VGLL3: variants seen among roughly 807,000 people sequenced by gnomAD.
VGLL3 encodes the protein vestigial like family member 3, also known as transcription cofactor vestigial-like protein 3.
A neutral mutation model predicts 29.2 loss-of-function variants in VGLL3; 18 were observed. The ratio of observed to expected loss-of-function variants is 0.62; its 90% confidence interval spans 0.43 to 0.91. The LOEUF (loss-of-function observed/expected upper bound fraction) is 0.91, where lower values mean the gene tolerates loss of function less well. Ranked by LOEUF, VGLL3 falls within the 40% of genes least tolerant of loss-of-function variation. The pLI is 0.00. For missense variants in VGLL3, 440 were observed against 413.2 expected, an observed-to-expected ratio of 1.06 and a Z score of -0.56; for synonymous variants, 180 against 151.8, an observed-to-expected ratio of 1.19 and a Z score of -1.36.
intron 3 of VGLL3, among the ~76,000 whole-genome samples, chr3:86,950,370 A>G (rs576075136): frequency 6.6e-6 from 1 of 152,342 alleles, no homozygotes; most frequent in South Asian, 2.1e-4. Context: ...TGCTAAAATA[A>G]TACTTATTTT....
chr3:86,990,360 G>T, intron 1 of VGLL3: 4 of 985,390 alleles, frequency 4.1e-6, no homozygotes, highest in Non-Finnish European at 4.8e-6. Context: ...GAGCTAGGGT[G>T]CCTAGGAGGA....
chr3:86,984,827 T>C (rs910831804), intron 1 of VGLL3, among the ~76,000 whole-genome samples: 4 of 152,152 alleles, frequency 2.6e-5, no homozygotes, highest in Non-Finnish European at 1.5e-5. Flanking sequence ...CAATAATAAA[T>C]AAAGAGAGCC....
At chr3:86,954,625 T>C (rs1704680324) in intron 3 of VGLL3, among the ~76,000 whole-genome samples, 1 of 152,182 alleles carries the variant, frequency 6.6e-6, no homozygotes, top group Non-Finnish European at 1.5e-5. Context: ...TTAGGTAGTT[T>C]TTTTTATCAT....
intron 1 of VGLL3, chr3:86,990,386 C>G: frequency 2.0e-6 from 2 of 985,258 alleles, no homozygotes; most frequent in African/African-American, 1.7e-5. Flanking sequence ...CTCTGAGCTC[C>G]GGTGACCACA....
At chr3:86,971,079 T>A (rs1705091226) in intron 2 of VGLL3, among the ~76,000 whole-genome samples, 1 of 152,182 alleles carries the variant, frequency 6.6e-6, no homozygotes, top group Non-Finnish European at 1.5e-5. Flanking sequence ...CCTTGCTAGA[T>A]CTTTCCATTG....
chr3:86,947,342 A>G (rs767442387), intron 3 of VGLL3, among the ~76,000 whole-genome samples: 52 of 152,208 alleles, frequency 3.4e-4, no homozygotes, highest in Non-Finnish European at 6.9e-4. Context: ...ATTTGCTTGG[A>G]GTATGAGTGA....
In VGLL3 at chr3:86,990,815, C is replaced by T. The variant is rs931486069; in HGVS notation, c.-72G>A. ...GCGCTGGCGCGAGGGGCGCGGGCGCCGCCGCCGCCGCAGCTGCCGCCTCTG... is the reference window on the plus strand; with the variant it reads ...GCGCTGGCGCGAGGGGCGCGGGCGCTGCCGCCGCCGCAGCTGCCGCCTCTG... On this transcript the variant is annotated 5_prime_UTR_variant, in exon 1 of 4. Transcript: ENST00000398399. 14 of 1,205,894 alleles carry T rather than the reference C, an allele frequency of 1.2e-5. No homozygotes were observed. The Admixed American group carries it at 1.8e-4, about 16-fold the overall frequency. 74.7% of individuals were successfully genotyped at this position (1,205,894 alleles called of 1,614,324 possible). A position where few individuals can be genotyped will look rare whatever the true frequency, so the allele number is the denominator to read the frequency against.
At chr3:86,972,662 C>T (rs1220000042) in intron 2 of VGLL3, among the ~76,000 whole-genome samples, 1 of 152,084 alleles carries the variant, frequency 6.6e-6, no homozygotes, top group East Asian at 1.9e-4. Context: ...ACTGCATGGG[C>T]TATTTCTATG....
Position 86,944,209 on chromosome 3 carries a change from G to A in VGLL3, c.*2815C>T, listed in dbSNP as rs1704458771. ...ATGTATATTTTTGATCCACTCCCTG[G>A]GTGGCAGTGTACCCCAAACACCTAG... On this transcript the variant is annotated 3_prime_UTR_variant, in exon 4 of 4. Coordinates refer to ENST00000398399, the MANE Select transcript of VGLL3 (RefSeq NM_016206.4). The A allele has an allele frequency of 6.6e-6, 1 of 151,984 alleles. No individual in the cohort carries two copies. The highest frequency in any genetic ancestry group is 2.4e-5 in the African/African-American group (1 of 41,352). 9.4% of individuals were successfully genotyped at this position (151,984 alleles called of 1,614,324 possible). A position where few individuals can be genotyped will look rare whatever the true frequency, so the allele number is the denominator to read the frequency against.
At chr3:86,957,785 A>T (rs1440384293) in intron 3 of VGLL3, among the ~76,000 whole-genome samples, 1 of 152,180 alleles carries the variant, frequency 6.6e-6, no homozygotes, top group Non-Finnish European at 1.5e-5. Flanking sequence ...AATAAAATTA[A>T]TATATCTCTT....
intron 3 of VGLL3, among the ~76,000 whole-genome samples, chr3:86,965,619 C>T (rs977646850): frequency 3.3e-5 from 5 of 152,318 alleles, no homozygotes; most frequent in Non-Finnish European, 2.9e-5. Context: ...CATTTATTCT[C>T]TTGTTGCCGG....
intron 1 of VGLL3, among the ~76,000 whole-genome samples, chr3:86,982,239 G>A (rs781666968): frequency 1.3e-5 from 2 of 152,108 alleles, no homozygotes; most frequent in Non-Finnish European, 2.9e-5. Flanking sequence ...CCGCCTCCCA[G>A]GTTCAAGTGA....
chr3:86,972,498 T>G (rs1036136466), intron 2 of VGLL3, among the ~76,000 whole-genome samples: 1 of 152,108 alleles, frequency 6.6e-6, no homozygotes, highest in African/African-American at 2.4e-5. Flanking sequence ...GAAAAAAAAG[T>G]CTTGATGCAA....
At chr3:86,963,042 T>C (rs1575866865) in intron 3 of VGLL3, 6 of 221,648 alleles carry the variant, frequency 2.7e-5, no homozygotes, top group Non-Finnish European at 4.9e-5. Context: ...TTGCAGTGAG[T>C]CAAGATCTCG....
rs1704411203 is a variant in VGLL3 at position 86,942,071 on chromosome 3, T to C, written c.*4953A>G. ...ACAGTTTCAATGCTTTAATAATAGATTTAAAGGGCACTTTGGCCTTTAAAT... is the reference window on the plus strand; with the variant it reads ...ACAGTTTCAATGCTTTAATAATAGACTTAAAGGGCACTTTGGCCTTTAAAT... On this transcript the variant is annotated 3_prime_UTR_variant, in exon 4 of 4. Coordinates refer to ENST00000398399, the MANE Select transcript of VGLL3 (RefSeq NM_016206.4). 6.6e-6 allele frequency: 1 copy of C among 152,214 alleles called. No homozygotes were observed. Among genetic ancestry groups the C allele is most frequent in the Non-Finnish European group, 1.5e-5 (1 of 68,044 alleles). The allele number at this position is 152,214 out of a possible 1,614,324, so 9.4% of individuals were successfully genotyped here. A position where few individuals can be genotyped will look rare whatever the true frequency, so the allele number is the denominator to read the frequency against.
chr3:86,988,428 C>A (rs948881834), intron 1 of VGLL3, among the ~76,000 whole-genome samples: 1 of 151,132 alleles, frequency 6.6e-6, no homozygotes, highest in African/African-American at 2.4e-5. Context: ...TGCATTAGGG[C>A]CAAGTCAATA....
intron 3 of VGLL3, among the ~76,000 whole-genome samples, chr3:86,953,748 G>T (rs1386401708): frequency 6.6e-6 from 1 of 151,974 alleles, no homozygotes; most frequent in African/African-American, 2.4e-5. Flanking sequence ...TTTTTAAAAA[G>T]TAATTTTCTA....
At chr3:86,959,880 T>C (rs1173544225) in intron 3 of VGLL3, among the ~76,000 whole-genome samples, 1 of 152,128 alleles carries the variant, frequency 6.6e-6, no homozygotes, top group African/African-American at 2.4e-5. Context: ...AAAGAAATCA[T>C]AGGTCTTGAG....
chr3:86,979,266 TAAATA>T (rs1428293940), intron 1 of VGLL3, among the ~76,000 whole-genome samples: 1 of 152,116 alleles, frequency 6.6e-6, no homozygotes, highest in Non-Finnish European at 1.5e-5. Context: ...GAACTTTTCA[TAAATA>T]AAATAAACTA....
Sources: allele counts gnomAD v4.1 joint callset (sites outside exome capture counted in the v4.1 genomes callset), GRCh38; gene constraint gnomAD v4.1.1; transcripts MANE v1.5; gene names NCBI Gene and HGNC (gene_info 2026-07-23, HGNC 2026-07-21).